Variants in LMAN2L observed in about 807,000 individuals in gnomAD.
LMAN2L encodes lectin, mannose binding 2 like.
Under a neutral mutation model 44.3 loss-of-function variants are expected in LMAN2L, and 30 were observed. The observed-to-expected ratio is 0.68, with a 90% CI of 0.51 to 0.92. LMAN2L has a LOEUF of 0.92. LMAN2L is among the 40% of genes least tolerant of loss of function. The pLI, the probability that LMAN2L is intolerant of heterozygous loss-of-function variation, is 0.00. For missense variants in LMAN2L, 429 were observed against 446.1 expected (o/e 0.96, Z 0.35); for synonymous variants, 183 against 171.1 (o/e 1.07, Z -0.54).
rs748394849 is a variant in LMAN2L, at chr2:96,707,807, A to G, written c.811T>C (p.Leu271=). The G allele has an allele frequency of 9.2e-5, 149 of 1,613,882 alleles. No homozygotes were observed. The highest frequency in any genetic ancestry group is 1.1e-4 in the Non-Finnish European group (131 of 1,179,890). The change falls in exon 7 of 8, where the codon TTG becomes CTG. Residue 271 remains leucine, a synonymous_variant. Coordinates refer to ENST00000264963, the MANE Select transcript of LMAN2L (RefSeq NM_030805.4). Reference sequence around the variant, plus strand: ...GTTCTCTCCACTGTCAGTTCAAACAACTTCAAGGAAATGACATCATGATTA... The same window carrying G: ...GTTCTCTCCACTGTCAGTTCAAACAGCTTCAAGGAAATGACATCATGATTA... ...SDNHDVISLK[L]FELTVERTPE...
chr2:96,729,646 C>G (rs986261147), intron 4 of LMAN2L, among the ~76,000 whole-genome samples: 75 of 151,588 alleles, frequency 4.9e-4, no homozygotes, highest in Non-Finnish European at 9.7e-4. Flanking sequence ...GTAGCTGGGA[C>G]TACAGGCGCC....
chr2:96,722,607 C>T (rs1417805234), intron 4 of LMAN2L, among the ~76,000 whole-genome samples: 8 of 152,226 alleles, frequency 5.3e-5, no homozygotes, highest in Non-Finnish European at 1.0e-4. Flanking sequence ...CACCATTCAC[C>T]TGCTGTGCAG....
chr2:96,736,526 G>A (rs2078519144), intron 2 of LMAN2L, among the ~76,000 whole-genome samples: 3 of 152,192 alleles, frequency 2.0e-5, no homozygotes, highest in Admixed American at 2.0e-4. Flanking sequence ...CAGCAGCAGA[G>A]TATCAAGCCT....
At chr2:96,735,340 T>G (rs1297932213) in intron 2 of LMAN2L, among the ~76,000 whole-genome samples, 1 of 152,244 alleles carries the variant, frequency 6.6e-6, no homozygotes, top group Non-Finnish European at 1.5e-5. Flanking sequence ...TAGACTGTTC[T>G]GGGCAACTAT....
intron 2 of LMAN2L, chr2:96,734,741 C>G (rs997378057): frequency 5.5e-6 from 3 of 550,078 alleles, no homozygotes; most frequent in African/African-American, 3.8e-5. Context: ...AATGAATAAA[C>G]CTCCCGATTA....
intron 4 of LMAN2L, among the ~76,000 whole-genome samples, chr2:96,724,268 CAACT>C (rs2078222163): frequency 6.6e-6 from 1 of 152,054 alleles, no homozygotes. Context: ...GTGAGCATTC[CAACT>C]TCACTGTTTG....
chr2:96,739,146 A>G (rs759830723), intron 1 of LMAN2L, among the ~76,000 whole-genome samples: 2 of 152,240 alleles, frequency 1.3e-5, no homozygotes, highest in Non-Finnish European at 2.9e-5. Flanking sequence ...ACCCATAAGC[A>G]TTAGCAAAGA....
intron 3 of LMAN2L, 132 bp from the exon 4 acceptor site, chr2:96,733,733 T>C: frequency 1.5e-6 from 1 of 689,160 alleles, no homozygotes; most frequent in Non-Finnish European, 2.5e-6. Flanking sequence ...AGAAAACACA[T>C]GTTTAAAAGT....
Position 96,707,277 on chromosome 2 carries a change from C to T in LMAN2L, c.1026G>A (p.Gln342=), listed in dbSNP as rs1352616055. Residue 342 remains glutamine (Q), a synonymous_variant, in exon 8 of 8, where the codon CAG becomes CAA. Coordinates refer to ENST00000264963, the MANE Select transcript of LMAN2L (RefSeq NM_030805.4). The part of the protein sequence containing the change: ...GIILYNKWQE[Q]SRKRFY ...GGGCTCAGTAGAAGCGCTTTCGGCT[C>T]TGTTCCTGCCATTTGTTGTAGAGTA... 1.2e-6 allele frequency: 2 copies of T among 1,614,118 alleles called. No individual in the cohort carries two copies. The highest frequency in any genetic ancestry group is 1.7e-6 in the Non-Finnish European group (2 of 1,180,002).
chr2:96,730,682 CTT>C lies in LMAN2L; in HGVS notation c.507+2835_507+2836del, dbSNP rs202044401. Among the ~76,000 whole-genome samples the C allele has an allele frequency of 5.7e-3, 866 of 151,634 alleles. 9 individuals are homozygous for C. The highest frequency in any genetic ancestry group is 0.02 in the African/African-American group (822 of 41,298). ...CACACTCATTATCCCCTCTCTCTCT[CTT>C]TTTTTTGAGATGGAGTTTCACTCTG... On this transcript the variant is annotated intron_variant, in intron 4 of 7. Transcript: ENST00000264963.
chr2:96,733,590 C>T lies in LMAN2L; in HGVS notation c.436G>A (p.Gly146Arg), dbSNP rs754230318. The T allele has an allele frequency of 6.2e-7, 1 of 1,612,950 alleles. No individual in the cohort carries two copies. The highest frequency in any genetic ancestry group is 8.5e-7 in the Non-Finnish European group (1 of 1,179,092). ...AGCCCCACAAATTTGTCCATGTTTCCAAACACAGGCCCTAGAGAGAGAGAA... is the reference window on the plus strand; with the variant it reads ...AGCCCCACAAATTTGTCCATGTTTCTAAACACAGGCCCTAGAGAGAGAGAA... ...KDRMQPGPVF[G>R]NMDKFVGLGV... The change falls in exon 4 of 8, where the codon GGA (glycine) becomes AGA (arginine). Residue 146 changes from glycine (G) to arginine (R), a missense_variant. Transcript: ENST00000264963.
chr2:96,707,308 C>A lies in LMAN2L; in HGVS notation c.995G>T (p.Gly332Val), dbSNP rs2077804752. The A allele has an allele frequency of 6.2e-7, 1 of 1,614,052 alleles. No homozygotes were observed. ...LVFSVFAIVI[G>V]IILYNKWQEQ... ...CTGCCATTTGTTGTAGAGTATGATA[C>A]CAATGACTATGGCAAATACAGAAAA... The change falls in exon 8 of 8, where the codon GGT becomes GTT. Residue 332 changes from glycine to valine, a missense_variant. Coordinates refer to ENST00000264963, the MANE Select transcript of LMAN2L (RefSeq NM_030805.4).
chr2:96,730,954 T>A lies in LMAN2L; in HGVS notation c.507+2565A>T, dbSNP rs1574024937. 3.9e-5 allele frequency among the ~76,000 whole-genome samples: 6 copies of A among 152,248 alleles called. No homozygotes were observed. The South Asian group carries it at 8.3e-4, about 21-fold the overall frequency. ...TCCCAAAGTGCTGGGATTACAGGCA[T>A]GAGCCACTGCACCCAGCCTCATCAT... On this transcript the variant is annotated intron_variant, in intron 4 of 7. Transcript: ENST00000264963.
intron 1 of LMAN2L, among the ~76,000 whole-genome samples, chr2:96,738,625 T>C (rs1034636773): frequency 8.5e-5 from 13 of 152,104 alleles, no homozygotes; most frequent in Admixed American, 8.5e-4. Context: ...GCATGAGCCA[T>C]GATTGTGCCA....
Position 96,733,514 on chromosome 2 carries a change from A to T in LMAN2L, c.507+5T>A, listed in dbSNP as rs780997998. 3.1e-6 allele frequency: 5 copies of T among 1,610,928 alleles called. No homozygotes were observed. In the African/African-American group the frequency reaches 6.7e-5, roughly 22 times the overall value. On this transcript the variant is annotated splice_donor_5th_base_variant and intron_variant, in intron 4 of 7. Coordinates refer to ENST00000264963, the MANE Select transcript of LMAN2L (RefSeq NM_030805.4). ...GCTGACCTAGGCTCTGACACTTGCC[A>T]TTACCTCTTGCTGCTTCTCCTCATT...
chr2:96,729,366 A>G (rs1407678637), intron 4 of LMAN2L, among the ~76,000 whole-genome samples: 1 of 152,152 alleles, frequency 6.6e-6, no homozygotes, highest in African/African-American at 2.4e-5. Context: ...ACAGACACTT[A>G]ACTTCTCTAA....
chr2:96,728,888 T>G (rs1176216970), intron 4 of LMAN2L, among the ~76,000 whole-genome samples: 1 of 140,430 alleles, frequency 7.1e-6, no homozygotes, highest in Non-Finnish European at 1.6e-5. Flanking sequence ...TAAAATAAAA[T>G]AAGGCCAGGC....
At chr2:96,731,524 T>C (rs189876677) in intron 4 of LMAN2L, among the ~76,000 whole-genome samples, 3 of 151,960 alleles carry the variant, frequency 2.0e-5, no homozygotes, top group African/African-American at 7.3e-5. Context: ...CGTGTGCCTA[T>C]AATCCCAGCT....
In LMAN2L at chr2:96,740,020, G is replaced by A. The variant is rs746956935; in HGVS notation, c.21C>T (p.Pro7=). 15 of 1,610,794 alleles carry A rather than the reference G, an allele frequency of 9.3e-6. No individual in the cohort carries two copies. The highest frequency in any genetic ancestry group is 1.2e-5 in the Non-Finnish European group (14 of 1,178,860). The change falls in exon 1 of 8, where the codon CCC becomes CCT. Residue 7 remains proline (P), a synonymous_variant. Coordinates refer to ENST00000264963, the MANE Select transcript of LMAN2L (RefSeq NM_030805.4). MAATLG[P]LGSWQQWRRC... is the part of the protein sequence containing the mutation. ...GCCGCCACTGCTGCCACGACCCAAG[G>A]GGTCCCAGAGTCGCCGCCATCTTTC...
Sources: gnomAD v4.1 joint callset for allele counts (sites outside exome capture counted in the v4.1 genomes callset) on GRCh38, gnomAD v4.1.1 for gene constraint, MANE v1.5 for transcripts, NCBI Gene and HGNC (gene_info 2026-07-23, HGNC 2026-07-21) for gene names.